The following IMMP2L variants were observed in gnomAD, a reference collection of about 807,000 sequenced individuals.
IMMP2L encodes mitochondrial inner membrane protease subunit 2.
Under a neutral mutation model 19.3 loss-of-function variants are expected in IMMP2L, and 18 were observed. The observed-to-expected ratio is 0.93, with a 90% CI of 0.64 to 1.38. The LOEUF is 1.38. Ranked by LOEUF, IMMP2L falls within the 40% of genes most tolerant of loss-of-function variation. The pLI, the probability that IMMP2L is intolerant of heterozygous loss-of-function variation, is 0.00. For synonymous variants in IMMP2L, 76 were observed against 73.0 expected, an observed-to-expected ratio of 1.04 and a Z score of -0.21; for missense variants, 233 against 218.2, an observed-to-expected ratio of 1.07 and a Z score of -0.43.
intron 3 of IMMP2L, among the ~76,000 whole-genome samples, chr7:111,160,325 C>T (rs545844237): frequency 4.6e-5 from 7 of 151,922 alleles, no homozygotes; most frequent in East Asian, 3.9e-4. Flanking sequence ...AGGATAAATC[C>T]CACTAACAAA....
intron 3 of IMMP2L, among the ~76,000 whole-genome samples, chr7:111,161,491 C>T (rs1348511270): frequency 6.6e-6 from 1 of 151,646 alleles, no homozygotes; most frequent in East Asian, 1.9e-4. Flanking sequence ...ATAATTATCT[C>T]AATAGATATA....
At chr7:111,367,940 T>C (rs1257827327) in intron 3 of IMMP2L, among the ~76,000 whole-genome samples, 2 of 151,800 alleles carry the variant, frequency 1.3e-5, no homozygotes, top group African/African-American at 2.4e-5. Context: ...ATAAAGACTA[T>C]CTTAGATTTG....
At chr7:110,887,470 C>A (rs552870319) in intron 4 of IMMP2L, among the ~76,000 whole-genome samples, 1 of 151,680 alleles carries the variant, frequency 6.6e-6, no homozygotes, top group Non-Finnish European at 1.5e-5. Flanking sequence ...TTTTAAGATA[C>A]TAAAATGTTT....
At chr7:111,469,114 A>G (rs1357321753) in intron 3 of IMMP2L, among the ~76,000 whole-genome samples, 1 of 152,096 alleles carries the variant, frequency 6.6e-6, no homozygotes, top group African/African-American at 2.4e-5. Flanking sequence ...ACTGATCTAT[A>G]TCTCTGTTTT....
Position 111,324,064 on chromosome 7 carries a change from A to C in IMMP2L, c.239+163174T>G, listed in dbSNP as rs1165745137. Among the ~76,000 whole-genome samples the C allele has an allele frequency of 4.6e-5, 7 of 151,924 alleles. No individual in the cohort carries two copies. The South Asian group carries it at 1.5e-3, about 32-fold the overall frequency. On this transcript the variant is annotated intron_variant, in intron 3 of 5. Transcript: ENST00000405709. ...TTAAATGATGAGTTAATGGGTGCAG[A>C]ACACCAACATGGCACATGTATACAT...
At chr7:110,843,959 T>C (rs923655919) in intron 5 of IMMP2L, among the ~76,000 whole-genome samples, 2 of 152,060 alleles carry the variant, frequency 1.3e-5, no homozygotes, top group Non-Finnish European at 2.9e-5. Flanking sequence ...AGGGGCTGGG[T>C]CCTGCAGACT....
chr7:110,952,506 A>C (rs1364609365), intron 4 of IMMP2L, among the ~76,000 whole-genome samples: 1 of 152,162 alleles, frequency 6.6e-6, no homozygotes, highest in Non-Finnish European at 1.5e-5. Context: ...GGAGAACTTC[A>C]TAATGTCCAT....
chr7:111,110,166 C>T (rs377386765), intron 3 of IMMP2L, among the ~76,000 whole-genome samples: 1 of 152,070 alleles, frequency 6.6e-6, no homozygotes, highest in South Asian at 2.1e-4. Context: ...CTGAACTATA[C>T]TAAAATATGC....
At chr7:111,474,026 G>C (rs367933492) in intron 3 of IMMP2L, among the ~76,000 whole-genome samples, 1 of 152,108 alleles carries the variant, frequency 6.6e-6, no homozygotes, top group Admixed American at 6.6e-5. Context: ...GCAACAACAT[G>C]AACGCAGATG....
At chr7:110,890,255 G>T (rs1042113119) in intron 4 of IMMP2L, among the ~76,000 whole-genome samples, 6 of 152,140 alleles carry the variant, frequency 3.9e-5, no homozygotes, top group African/African-American at 1.2e-4. Flanking sequence ...ATTCAAATAT[G>T]CAGAGAGTAG....
intron 3 of IMMP2L, among the ~76,000 whole-genome samples, chr7:111,002,192 G>C (rs1823779807): frequency 6.6e-6 from 1 of 152,074 alleles, no homozygotes; most frequent in East Asian, 1.9e-4. Flanking sequence ...AATAAAATCA[G>C]TACAGAGTAG....
At chr7:110,914,523 A>G (rs2129548988) in intron 4 of IMMP2L, among the ~76,000 whole-genome samples, 1 of 152,300 alleles carries the variant, frequency 6.6e-6, no homozygotes, top group South Asian at 2.1e-4. Flanking sequence ...CTGTCTTAAA[A>G]TGAGTTACCC....
chr7:111,560,000 C>A (rs1224407706), intron 1 of IMMP2L, among the ~76,000 whole-genome samples: 1 of 141,200 alleles, frequency 7.1e-6, no homozygotes, highest in Non-Finnish European at 1.5e-5. Context: ...TATCAAATAA[C>A]AGTGAAATAT....
intron 3 of IMMP2L, among the ~76,000 whole-genome samples, chr7:111,372,600 TC>T (rs776729079): frequency 6.6e-6 from 1 of 151,914 alleles, no homozygotes; most frequent in South Asian, 2.1e-4. Flanking sequence ...CTTTGTCACT[TC>T]TTCTGATGAG....
At chr7:111,151,913 G>A (rs1190864468) in intron 3 of IMMP2L, among the ~76,000 whole-genome samples, 6 of 152,256 alleles carry the variant, frequency 3.9e-5, no homozygotes, top group East Asian at 3.9e-4. Context: ...TCCAGCCTGG[G>A]TGACAGAGTT....
At chr7:111,156,698 T>A (rs189093919) in intron 3 of IMMP2L, among the ~76,000 whole-genome samples, 3 of 152,190 alleles carry the variant, frequency 2.0e-5, no homozygotes, top group Admixed American at 1.3e-4. Flanking sequence ...CTAATATTAA[T>A]GTCGTCTTTT....
At chr7:111,194,866 T>C (rs989929870) in intron 3 of IMMP2L, among the ~76,000 whole-genome samples, 3 of 152,148 alleles carry the variant, frequency 2.0e-5, no homozygotes, top group Non-Finnish European at 4.4e-5. Context: ...TATAATCATA[T>C]CTAACATGTA....
intron 3 of IMMP2L, among the ~76,000 whole-genome samples, chr7:111,084,330 AG>A (rs1796129609): frequency 2.0e-5 from 3 of 151,546 alleles, no homozygotes; most frequent in African/African-American, 7.3e-5. Flanking sequence ...AAAGGAAAAA[AG>A]AAGAAAGCCA....
chr7:111,096,743 A>G lies in IMMP2L; in HGVS notation c.240-133178T>C, dbSNP rs144925659. Among the ~76,000 whole-genome samples the G allele has an allele frequency of 3.5e-3, 525 of 151,984 alleles. 2 individuals carry two copies. Among genetic ancestry groups the G allele is most frequent in the African/African-American group, 0.012 (500 of 41,518 alleles). On this transcript the variant is annotated intron_variant, in intron 3 of 5. Transcript: ENST00000405709. ...CTCCAAAGTCACTTAAGAACCCCCA[A>G]TGGATCAAGTGTCAACATAAAAGCA...
Sources: gnomAD v4.1 joint callset for allele counts (sites outside exome capture counted in the v4.1 genomes callset) on GRCh38, gnomAD v4.1.1 for gene constraint, MANE v1.5 for transcripts, NCBI Gene and HGNC (gene_info 2026-07-23, HGNC 2026-07-21) for gene names.